Variants in ITSN1 observed in about 807,000 individuals in gnomAD.
The protein encoded by ITSN1 is intersectin 1.
A neutral mutation model predicts 239.8 loss-of-function variants in ITSN1; 58 were observed. The ratio of observed to expected loss-of-function variants is 0.24; its 90% CI spans 0.20 to 0.30. ITSN1 has a LOEUF of 0.30. Ranked by LOEUF, ITSN1 falls within the 10% of genes least tolerant of loss-of-function variation. The pLI is 1.00. For missense variants in ITSN1, 1,558 were observed against 2,103.3 expected, an observed-to-expected ratio of 0.74 and a Z score of 5.07; for synonymous variants, 780 against 770.8, an observed-to-expected ratio of 1.01 and a Z score of -0.20.
intron 4 of ITSN1, 29 bp downstream of exon 4, chr21:33,722,680 C>G (rs779025038): frequency 6.5e-7 from 1 of 1,536,764 alleles, no homozygotes; most frequent in South Asian, 1.3e-5. Flanking sequence ...TGAAATTTTA[C>G]ATAAGCATAA....
At chr21:33,827,782 C>A (rs1407215418) in intron 26 of ITSN1, among the ~76,000 whole-genome samples, 1 of 152,216 alleles carries the variant, frequency 6.6e-6, no homozygotes, top group Admixed American at 6.5e-5. Context: ...GGCACGTCTT[C>A]CTGGTCTAGG....
At chr21:33,838,597 A>C (rs1002922156) in intron 29 of ITSN1, 26 of 278,020 alleles carry the variant, frequency 9.4e-5, no homozygotes, top group Non-Finnish European at 1.4e-4. Context: ...CCCACGTGTC[A>C]ACCATGACCT....
intron 1 of ITSN1, among the ~76,000 whole-genome samples, chr21:33,657,992 A>G (rs2089233732): frequency 6.6e-6 from 1 of 152,190 alleles, no homozygotes; most frequent in Admixed American, 6.5e-5. Flanking sequence ...TTTTTAAAAA[A>G]AATCATATAA....
In ITSN1 at chr21:33,797,281, A is replaced by G; in HGVS notation, c.1953-98A>G. 3 of 939,094 alleles carry G rather than the reference A, an allele frequency of 3.2e-6. No individual in the cohort carries two copies. Among genetic ancestry groups the G allele is most frequent in the Non-Finnish European group, 5.1e-6 (3 of 591,732 alleles). 58.2% of individuals were successfully genotyped at this position (939,094 alleles called of 1,614,324 possible). ...ACAACAATGTTCCCTTGATGTTCCCATCCCATTTACTGGATGGAGCTTTTT... is the reference window on the plus strand; with the variant it reads ...ACAACAATGTTCCCTTGATGTTCCCGTCCCATTTACTGGATGGAGCTTTTT... On this transcript the variant is annotated intron_variant, in intron 17 of 39. Coordinates refer to ENST00000381318, the MANE Select transcript of ITSN1 (RefSeq NM_003024.3). The surrounding 1 kb of genome is among the most constrained non-coding windows in gnomAD (Gnocchi z 4.9).
At chr21:33,733,142 C>A (rs1253743580) in intron 4 of ITSN1, among the ~76,000 whole-genome samples, 3 of 152,166 alleles carry the variant, frequency 2.0e-5, no homozygotes, top group Non-Finnish European at 4.4e-5. Flanking sequence ...CCCAGACCTT[C>A]CCGGATCACA....
At chr21:33,696,128 C>T (rs1462905066) in intron 1 of ITSN1, among the ~76,000 whole-genome samples, 1 of 152,150 alleles carries the variant, frequency 6.6e-6, no homozygotes, top group Non-Finnish European at 1.5e-5. Flanking sequence ...CTGCATTGTC[C>T]TTTGCTCTCA....
chr21:33,824,701 C>T (rs533216919), intron 25 of ITSN1, among the ~76,000 whole-genome samples: 1 of 152,306 alleles, frequency 6.6e-6, no homozygotes, highest in African/African-American at 2.4e-5. Flanking sequence ...GAGTCCTGCC[C>T]TTGGCCTGCT....
chr21:33,666,853 G>A (rs1177668811), intron 1 of ITSN1, among the ~76,000 whole-genome samples: 1 of 152,170 alleles, frequency 6.6e-6, no homozygotes, highest in Non-Finnish European at 1.5e-5. Flanking sequence ...CCAGCCTGCA[G>A]TGCAGTGGTG....
intron 4 of ITSN1, among the ~76,000 whole-genome samples, chr21:33,723,924 CTT>C (rs780455303): frequency 1.9e-3 from 296 of 152,324 alleles, no homozygotes; most frequent in Non-Finnish European, 1.4e-3. Context: ...AATTACCAAA[CTT>C]TTAAATTTAT....
intron 29 of ITSN1, among the ~76,000 whole-genome samples, chr21:33,839,501 G>A (rs2074751773): frequency 6.6e-6 from 1 of 152,146 alleles, no homozygotes. Flanking sequence ...GCCCAGGGGT[G>A]GGCGGGGAGA....
intron 34 of ITSN1, among the ~76,000 whole-genome samples, 199 bp downstream of exon 34, chr21:33,875,720 G>T (rs1057463735): frequency 6.6e-6 from 1 of 152,162 alleles, no homozygotes; most frequent in Non-Finnish European, 1.5e-5. Flanking sequence ...TCACTCTGTT[G>T]CCCAGGTTGG....
intron 5 of ITSN1, among the ~76,000 whole-genome samples, chr21:33,742,314 C>T (rs1022114196): frequency 3.9e-5 from 6 of 152,184 alleles, no homozygotes; most frequent in African/African-American, 1.4e-4. Flanking sequence ...CTTGGCCTCC[C>T]AAAGTGCTGG....
intron 29 of ITSN1, among the ~76,000 whole-genome samples, chr21:33,848,865 G>A (rs756573560): frequency 6.6e-5 from 10 of 152,178 alleles, no homozygotes; most frequent in Non-Finnish European, 1.3e-4. Context: ...ATATTAGCCT[G>A]CTGAAGTCCA....
chr21:33,869,393 A>G (rs1157616113), intron 33 of ITSN1, among the ~76,000 whole-genome samples: 1 of 152,234 alleles, frequency 6.6e-6, no homozygotes, highest in African/African-American at 2.4e-5. Flanking sequence ...CACTCTCACT[A>G]GAACAGGATG....
rs1017258220 is a variant in ITSN1 at position 33,882,051 on chromosome 21, G to C, written c.4342-192G>C. On this transcript the variant is annotated intron_variant, in intron 34 of 39. Transcript: ENST00000381318. The surrounding 1 kb of genome is among the most constrained non-coding windows in gnomAD (Gnocchi z 4.5). ...AGAAATTACCATTGAGACTCTTCTT[G>C]ATACTTGGAATCCCCTGAACTGTGC... Among the ~76,000 whole-genome samples the C allele has an allele frequency of 4.6e-5, 7 of 151,732 alleles. No individual in the cohort carries two copies. Among genetic ancestry groups the C allele is most frequent in the Non-Finnish European group, 8.8e-5 (6 of 67,984 alleles).
chr21:33,740,907 T>A (rs1407916455), intron 5 of ITSN1, among the ~76,000 whole-genome samples: 6 of 152,170 alleles, frequency 3.9e-5, no homozygotes, highest in Admixed American at 2.6e-4. Context: ...TATATTTTTT[T>A]AATGTAAGTA....
intron 1 of ITSN1, among the ~76,000 whole-genome samples, chr21:33,645,092 A>G (rs1224579203): frequency 6.6e-6 from 1 of 152,218 alleles, no homozygotes; most frequent in Non-Finnish European, 1.5e-5. Flanking sequence ...CCAAAGAGCT[A>G]GGATTAGAGG....
intron 4 of ITSN1, among the ~76,000 whole-genome samples, chr21:33,731,806 A>C (rs117393645): frequency 6.6e-6 from 1 of 152,212 alleles, no homozygotes; most frequent in African/African-American, 2.4e-5. Flanking sequence ...ATGTGAGACT[A>C]CTATCCATGA....
At chr21:33,886,062 G>T (rs1369954097) in intron 38 of ITSN1, among the ~76,000 whole-genome samples, 2 of 151,984 alleles carry the variant, frequency 1.3e-5, no homozygotes, top group Non-Finnish European at 2.9e-5. Flanking sequence ...TAAAAAATTA[G>T]CCAGGCATGG....
Sources: allele counts gnomAD v4.1 joint callset (sites outside exome capture counted in the v4.1 genomes callset), GRCh38; gene constraint gnomAD v4.1.1; non-coding constraint Gnocchi (gnomAD v3.1); transcripts MANE v1.5; gene names NCBI Gene and HGNC (gene_info 2026-07-23, HGNC 2026-07-21).